AMBRA1: variants seen among roughly 807,000 people sequenced by gnomAD.
AMBRA1 encodes the protein autophagy and beclin 1 regulator 1.
Under a neutral mutation model 125.4 loss-of-function variants are expected in AMBRA1, and 47 were observed. The ratio of observed to expected loss-of-function variants is 0.37; its 90% confidence interval spans 0.30 to 0.48. The LOEUF is 0.48. Among genes scored for constraint, AMBRA1 ranks in the 20% least tolerant of loss-of-function variants. The pLI is 0.99. For missense variants in AMBRA1, 1,331 were observed against 1,693.4 expected, an observed-to-expected ratio of 0.79 and a Z score of 3.76; for synonymous variants, 626 against 655.5, an observed-to-expected ratio of 0.95 and a Z score of 0.69.
chr11:46,532,237 T>C (rs1259146673), intron 7 of AMBRA1, among the ~76,000 whole-genome samples: 1 of 152,190 alleles, frequency 6.6e-6, no homozygotes, highest in Non-Finnish European at 1.5e-5. Context: ...AAGGCCAGTA[T>C]GTATGTGATT....
chr11:46,462,799 T>C (rs1949152013), intron 11 of AMBRA1, among the ~76,000 whole-genome samples: 2 of 151,902 alleles, frequency 1.3e-5, no homozygotes, highest in Admixed American at 6.6e-5. Flanking sequence ...TCACCCAGGC[T>C]AAAGTGCAGT....
At chr11:46,410,573 T>C (rs1423645944) in intron 15 of AMBRA1, among the ~76,000 whole-genome samples, 4 of 152,224 alleles carry the variant, frequency 2.6e-5, no homozygotes, top group African/African-American at 4.8e-5. Flanking sequence ...ATAGCCTAAA[T>C]GCCTGGAATG....
chr11:46,567,234 G>C (rs2043565805), intron 1 of AMBRA1, among the ~76,000 whole-genome samples: 1 of 152,080 alleles, frequency 6.6e-6, no homozygotes, highest in African/African-American at 2.4e-5. Flanking sequence ...ACAACACCCA[G>C]TTAATTTTTG....
intron 11 of AMBRA1, among the ~76,000 whole-genome samples, chr11:46,456,509 G>C (rs1346745977): frequency 6.6e-6 from 1 of 152,220 alleles, no homozygotes; most frequent in Non-Finnish European, 1.5e-5. Flanking sequence ...AATGGGCAAA[G>C]AGAGGGGTGA....
chr11:46,430,625 T>C (rs1334250896), intron 14 of AMBRA1, among the ~76,000 whole-genome samples: 1 of 152,182 alleles, frequency 6.6e-6, no homozygotes, highest in Non-Finnish European at 1.5e-5. Context: ...TCATATGGGA[T>C]TGTGTCAGAG....
chr11:46,460,617 C>G (rs1590865118), intron 11 of AMBRA1, among the ~76,000 whole-genome samples: 1 of 152,242 alleles, frequency 6.6e-6, no homozygotes, highest in East Asian at 1.9e-4. Flanking sequence ...GCCACCGCGT[C>G]CAGCATAAAC....
chr11:46,429,773 TA>T (rs367866774), intron 14 of AMBRA1, among the ~76,000 whole-genome samples: 2 of 152,118 alleles, frequency 1.3e-5, no homozygotes, highest in South Asian at 4.1e-4. Flanking sequence ...TGGTTCCAAT[TA>T]GAAAATGAAA....
chr11:46,565,809 G>A (rs990662568), intron 1 of AMBRA1, among the ~76,000 whole-genome samples: 7 of 151,504 alleles, frequency 4.6e-5, no homozygotes, highest in Admixed American at 2.6e-4. Context: ...TCCCTCTGTC[G>A]CCCAGGCTGG....
chr11:46,434,324 T>TAA (rs889509657), intron 13 of AMBRA1, among the ~76,000 whole-genome samples: 1 of 144,200 alleles, frequency 6.9e-6, no homozygotes, highest in African/African-American at 2.6e-5. Flanking sequence ...AGTCAACTCT[T>TAA]AAAAAAAAAA....
intron 12 of AMBRA1, 120 bp downstream of exon 12, chr11:46,443,368 C>A: frequency 1.4e-6 from 1 of 720,108 alleles, no homozygotes; most frequent in Non-Finnish European, 2.4e-6. Context: ...GCAGAAATGG[C>A]ATGTAGATAA....
rs188145127 is a variant in AMBRA1 at position 46,423,706 on chromosome 11, T to A, written c.2977-5654A>T. ...GTGCCCGGCCAATTTTTATTATTTT[T>A]AAATTTTTACTGTTCTGACAGAGCA... is the stretch of plus-strand genomic sequence containing the variant. On this transcript the variant is annotated intron_variant, in intron 14 of 17. Transcript: ENST00000683756. Among the ~76,000 whole-genome samples the A allele has an allele frequency of 3.4e-3, 511 of 151,664 alleles. 3 individuals carry two copies. Among genetic ancestry groups the A allele is most frequent in the African/African-American group, 0.012 (498 of 41,378 alleles).
intron 17 of AMBRA1, among the ~76,000 whole-genome samples, chr11:46,406,207 C>T (rs1163570746): frequency 6.6e-6 from 1 of 151,550 alleles, no homozygotes; most frequent in Admixed American, 6.6e-5. Flanking sequence ...GTGCCCACCA[C>T]CATGCCCGGC....
At chr11:46,554,148 A>C (rs1477483381) in intron 1 of AMBRA1, among the ~76,000 whole-genome samples, 1 of 152,254 alleles carries the variant, frequency 6.6e-6, no homozygotes, top group Non-Finnish European at 1.5e-5. Context: ...AAAAAAGTTC[A>C]GAAGAAACAT....
At chr11:46,535,586 TCAAGAC>T (rs778306230) in intron 7 of AMBRA1, among the ~76,000 whole-genome samples, 15 of 152,018 alleles carry the variant, frequency 9.9e-5, no homozygotes, top group Non-Finnish European at 1.8e-4. Flanking sequence ...TTGAACTAAA[TCAAGAC>T]CAAGTATACC....
At chr11:46,525,622 G>A (rs1224703487) in intron 7 of AMBRA1, among the ~76,000 whole-genome samples, 4 of 151,936 alleles carry the variant, frequency 2.6e-5, no homozygotes, top group East Asian at 3.9e-4. Flanking sequence ...GTGGTAGCAC[G>A]TGCCTGTAGT....
At chr11:46,544,156 G>T in intron 5 of AMBRA1, 115 bp from the exon 6 acceptor site, 1 of 746,566 alleles carries the variant, frequency 1.3e-6, no homozygotes, top group African/African-American at 1.8e-5. Context: ...TATCACTCAG[G>T]TATCCACTTC....
At chr11:46,447,840 ACT>A (rs1165023108) in intron 11 of AMBRA1, among the ~76,000 whole-genome samples, 1 of 151,988 alleles carries the variant, frequency 6.6e-6, no homozygotes, top group Non-Finnish European at 1.5e-5. Context: ...CATCTACTCC[ACT>A]CTCTGTGTGT....
rs1012864640 is a variant in AMBRA1, at chr11:46,594,007, A to G, written c.-300T>C. ...CGACCCGGCGCCGCCGCCGCTCAGG[A>G]GACATCAAGCAAGAAGACGGCGCAA... On this transcript the variant is annotated 5_prime_UTR_variant, in exon 1 of 18. Coordinates refer to ENST00000683756, the MANE Select transcript of AMBRA1 (RefSeq NM_001387011.1). 1 of 398,698 alleles carries G rather than the reference A, an allele frequency of 2.5e-6. No individual in the cohort carries two copies. The highest frequency in any genetic ancestry group is 4.4e-6 in the Non-Finnish European group (1 of 226,100). The allele number at this position is 398,698 out of a possible 1,614,324, so 24.7% of individuals were successfully genotyped here. A position where few individuals can be genotyped will look rare whatever the true frequency, so the allele number is the denominator to read the frequency against.
At chr11:46,429,775 G>T (rs1409168799) in intron 14 of AMBRA1, among the ~76,000 whole-genome samples, 1 of 152,070 alleles carries the variant, frequency 6.6e-6, no homozygotes, top group African/African-American at 2.4e-5. Flanking sequence ...GTTCCAATTA[G>T]AAAATGAAAG....
Sources: allele counts gnomAD v4.1 joint callset (sites outside exome capture counted in the v4.1 genomes callset), GRCh38; gene constraint gnomAD v4.1.1; transcripts MANE v1.5; gene names NCBI Gene and HGNC (gene_info 2026-07-23, HGNC 2026-07-21).